Variants in ASPRV1 observed in about 807,000 individuals in gnomAD.
ASPRV1 encodes the protein aspartic peptidase retroviral like 1.
ASPRV1 carries 7 observed loss-of-function variants against 11.0 expected under a neutral mutation model. The observed-to-expected ratio is 0.64, with a 90% CI of 0.36 to 1.20. The LOEUF is 1.20. Among genes scored for constraint, ASPRV1 ranks in the 50% most tolerant of loss-of-function variants. The probability of loss-of-function intolerance (pLI) is 0.02; values close to 1 mark genes in which losing one functional copy is unlikely to be tolerated. For missense variants in ASPRV1, 299 were observed against 320.0 expected (o/e 0.93, Z 0.50); for synonymous variants, 136 against 138.4 (o/e 0.98, Z 0.12).
chr2:69,999,166 G>A, the ASPRV1 span, among the ~76,000 whole-genome samples: 1 of 152,094 alleles, frequency 6.6e-6, no homozygotes, highest in Non-Finnish European at 1.5e-5. Flanking sequence ...CTAGTCACAG[G>A]TGCAATCGCA....
chr2:69,938,092 T>C, the ASPRV1 span: 17 of 1,613,454 alleles, frequency 1.1e-5, no homozygotes, highest in South Asian at 8.8e-5. Context: ...TTGTCCTCCC[T>C]GCAGAAGAAA....
At chr2:69,935,938 A>G in the ASPRV1 span, among the ~76,000 whole-genome samples, 1 of 152,080 alleles carries the variant, frequency 6.6e-6, no homozygotes, top group African/African-American at 2.4e-5. Flanking sequence ...GGCTCAGGAC[A>G]AGCTCTGTCA....
the ASPRV1 span, among the ~76,000 whole-genome samples, chr2:70,035,940 A>T: frequency 6.6e-6 from 1 of 151,790 alleles, no homozygotes; most frequent in Middle Eastern, 3.2e-3. Context: ...TTACTGTATT[A>T]CTTTCATGCT....
chr2:70,006,898 T>C, the ASPRV1 span, among the ~76,000 whole-genome samples: 1 of 152,174 alleles, frequency 6.6e-6, no homozygotes, highest in African/African-American at 2.4e-5. Context: ...GGCTGTGGCA[T>C]ACTAATCCAG....
At chr2:70,074,012 T>C in the ASPRV1 span, among the ~76,000 whole-genome samples, 1 of 150,936 alleles carries the variant, frequency 6.6e-6, no homozygotes, top group East Asian at 2.0e-4. Flanking sequence ...CGGGCGCCTG[T>C]AGTCCCAGCT....
the ASPRV1 span, among the ~76,000 whole-genome samples, chr2:70,063,247 C>A: frequency 4.6e-5 from 7 of 152,298 alleles, no homozygotes; most frequent in South Asian, 1.4e-3. Flanking sequence ...TGCCCCCTAA[C>A]GCTGTCAAAA....
the ASPRV1 span, among the ~76,000 whole-genome samples, chr2:70,007,732 T>A: frequency 0.22 from 33,654 of 152,056 alleles, 6,489 homozygotes; most frequent in African/African-American, 0.48. Context: ...AGTTTCTAGA[T>A]CCCTCAAGAA....
the ASPRV1 span, among the ~76,000 whole-genome samples, chr2:70,041,725 G>A: frequency 2.0e-5 from 3 of 152,186 alleles, no homozygotes; most frequent in Non-Finnish European, 4.4e-5. Flanking sequence ...ATCTAGGGAA[G>A]AGAGCCTCAG....
At chr2:69,989,698 C>G in the ASPRV1 span, among the ~76,000 whole-genome samples, 2 of 152,266 alleles carry the variant, frequency 1.3e-5, no homozygotes, top group African/African-American at 2.4e-5. Flanking sequence ...GTTTCAGAGG[C>G]ACTGGCCCGC....
At chr2:69,963,578 T>C, upstream of ASPRV1, 1 of 400,870 alleles carries the variant, frequency 2.5e-6, no homozygotes, top group Non-Finnish European at 5.1e-6. Flanking sequence ...GCTGACAAGC[T>C]GGGACTGCCA....
chr2:69,958,931 G>A (rs1229617178), downstream of ASPRV1, among the ~76,000 whole-genome samples: 3 of 152,142 alleles, frequency 2.0e-5, no homozygotes, highest in Admixed American at 2.0e-4. Flanking sequence ...AGGTGCCCTG[G>A]GGCTGATGGA....
the ASPRV1 span, among the ~76,000 whole-genome samples, chr2:70,036,672 TTTTA>T: frequency 6.6e-6 from 1 of 152,078 alleles, no homozygotes; most frequent in African/African-American, 2.4e-5. Flanking sequence ...CTAAAGTAAT[TTTTA>T]TTTTTTTCCA....
chr2:69,973,075 C>T, the ASPRV1 span, among the ~76,000 whole-genome samples: 5 of 152,054 alleles, frequency 3.3e-5, no homozygotes, highest in Non-Finnish European at 7.4e-5. Flanking sequence ...ACAATGAGCT[C>T]TCTGGGGAAA....
At chr2:70,042,714 G>A in the ASPRV1 span, among the ~76,000 whole-genome samples, 1 of 152,108 alleles carries the variant, frequency 6.6e-6, no homozygotes, top group Non-Finnish European at 1.5e-5. Context: ...AGGGGTTGAG[G>A]GGAGAGGAAA....
the ASPRV1 span, among the ~76,000 whole-genome samples, chr2:70,072,548 C>A: frequency 6.6e-6 from 1 of 151,368 alleles, no homozygotes; most frequent in Admixed American, 6.6e-5. Context: ...CATGATGAAA[C>A]CTGTCTCTAC....
chr2:69,999,531 C>T, the ASPRV1 span, among the ~76,000 whole-genome samples: 1 of 151,734 alleles, frequency 6.6e-6, no homozygotes, highest in East Asian at 1.9e-4. Flanking sequence ...GGGGGCATGC[C>T]TGTAATCCTG....
chr2:70,057,821 G>C, the ASPRV1 span, among the ~76,000 whole-genome samples: 1 of 149,570 alleles, frequency 6.7e-6, no homozygotes, highest in South Asian at 2.1e-4. Context: ...TTTAGACAGA[G>C]TCTCGCTCTG....
upstream of ASPRV1, among the ~76,000 whole-genome samples, chr2:69,965,564 T>A (rs561268669): frequency 3.3e-5 from 5 of 152,310 alleles, no homozygotes; most frequent in South Asian, 1.0e-3. Context: ...CTTCAGATTG[T>A]TCCTGCGGCC....
the ASPRV1 span, among the ~76,000 whole-genome samples, chr2:70,069,723 C>G: frequency 6.6e-6 from 1 of 152,094 alleles, no homozygotes; most frequent in Admixed American, 6.6e-5. Flanking sequence ...CATAATGGCC[C>G]TCTCAATGGA....
Sources: allele counts gnomAD v4.1 joint callset (sites outside exome capture counted in the v4.1 genomes callset), GRCh38; gene constraint gnomAD v4.1.1; transcripts MANE v1.5; gene names NCBI Gene and HGNC (gene_info 2026-07-23, HGNC 2026-07-21).